The following SLC8A1 variants were observed in gnomAD, a reference collection of about 807,000 sequenced individuals.
SLC8A1 encodes the protein sodium/calcium exchanger 1.
SLC8A1 carries 18 observed loss-of-function variants against 68.3 expected under a neutral mutation model. That is an observed-to-expected ratio of 0.26 (90% CI 0.18 to 0.39). The LOEUF (loss-of-function observed/expected upper bound fraction) is 0.39. SLC8A1 is among the 10% of genes least tolerant of loss of function. The probability of loss-of-function intolerance (pLI) is 1.00; values close to 1 mark genes in which losing one functional copy is unlikely to be tolerated. For missense variants in SLC8A1, 985 were observed against 1,156.7 expected (o/e 0.85, Z 2.15); for synonymous variants, 475 against 415.5 (o/e 1.14, Z -1.74).
chr2:40,202,457 T>C (rs1201795632), intron 2 of SLC8A1, among the ~76,000 whole-genome samples: 1 of 152,016 alleles, frequency 6.6e-6, no homozygotes, highest in East Asian at 1.9e-4. Flanking sequence ...TGATTGTTAA[T>C]AGTGAACTAT....
intron 2 of SLC8A1, among the ~76,000 whole-genome samples, chr2:40,284,137 T>A (rs938364842): frequency 2.0e-5 from 3 of 151,946 alleles, no homozygotes; most frequent in Non-Finnish European, 4.4e-5. Context: ...TTCCATTTTC[T>A]CCAAAAGTGT....
chr2:40,264,820 G>T (rs1031927466), intron 2 of SLC8A1, among the ~76,000 whole-genome samples: 1 of 140,790 alleles, frequency 7.1e-6, no homozygotes, highest in Non-Finnish European at 1.5e-5. Context: ...TGCACGTTGT[G>T]CACATGTACC....
At chr2:40,179,996 A>G (rs1050597965) in intron 2 of SLC8A1, among the ~76,000 whole-genome samples, 1 of 152,146 alleles carries the variant, frequency 6.6e-6, no homozygotes, top group African/African-American at 2.4e-5. Context: ...CTCACATTCC[A>G]ATTTCTCACT....
At chr2:40,151,931 A>C (rs1285239097) in intron 6 of SLC8A1, among the ~76,000 whole-genome samples, 1 of 152,236 alleles carries the variant, frequency 6.6e-6, no homozygotes, top group Non-Finnish European at 1.5e-5. Flanking sequence ...GCAGTTTTAA[A>C]AGAGGCTCTG....
At chr2:40,487,830 G>C (rs35520511) in intron 1 of SLC8A1, among the ~76,000 whole-genome samples, 5,408 of 152,216 alleles carry the variant, frequency 0.036, 246 homozygotes, top group East Asian at 0.24. Context: ...GAACTTAATG[G>C]TCAGTCATGG....
rs139001985 is a variant in SLC8A1 at position 40,432,198 on chromosome 2, T to C, written c.-24-1894A>G. Reference sequence around the variant, plus strand: ...CCATTTCATCCACAATATTTATGCATGCTTAATATGTATTTTAGAAAGACT... The same window carrying C: ...CCATTTCATCCACAATATTTATGCACGCTTAATATGTATTTTAGAAAGACT... On this transcript the variant is annotated intron_variant, in intron 1 of 7. Transcript: ENST00000406785. Among the ~76,000 whole-genome samples the C allele has an allele frequency of 6.8e-3, 1,036 of 152,050 alleles. 10 individuals are homozygous for C. The highest frequency in any genetic ancestry group is 0.024 in the African/African-American group (985 of 41,456).
intron 2 of SLC8A1, among the ~76,000 whole-genome samples, chr2:40,197,287 C>T (rs2053231916): frequency 1.3e-5 from 2 of 151,986 alleles, no homozygotes; most frequent in East Asian, 1.9e-4. Flanking sequence ...CTGCTATTTT[C>T]CCTGAGCTCA....
intron 2 of SLC8A1, among the ~76,000 whole-genome samples, chr2:40,216,806 G>GA (rs1436921629): frequency 3.5e-4 from 53 of 152,060 alleles, no homozygotes; most frequent in African/African-American, 1.3e-3. Context: ...GTCTTCTTTA[G>GA]GAAGTGTCTG....
exon 2 of SLC8A1, chr2:40,429,439 T>C (rs961569076): frequency 6.2e-6 from 10 of 1,613,852 alleles, no homozygotes; most frequent in Non-Finnish European, 7.6e-6. Flanking sequence ...AGATGGCCTG[T>C]CTCCTTCATG....
intron 7 of SLC8A1, chr2:40,118,623 T>G (rs1259168810): frequency 6.9e-6 from 1 of 145,470 alleles, no homozygotes; most frequent in Non-Finnish European, 1.5e-5. Context: ...TTTTTTTTTT[T>G]TTTTTTTTTT....
intron 2 of SLC8A1, among the ~76,000 whole-genome samples, chr2:40,420,268 G>A (rs1695117883): frequency 2.0e-5 from 3 of 151,848 alleles, no homozygotes; most frequent in South Asian, 2.1e-4. Context: ...CACAGAATAT[G>A]TTTTAACCTC....
intron 2 of SLC8A1, among the ~76,000 whole-genome samples, chr2:40,243,080 A>G (rs1259466379): frequency 1.3e-5 from 2 of 152,222 alleles, no homozygotes; most frequent in African/African-American, 4.8e-5. Context: ...GAATACAGAC[A>G]TTGAAGGCTC....
chr2:40,334,179 T>G (rs1277108663), intron 2 of SLC8A1, among the ~76,000 whole-genome samples: 1 of 152,202 alleles, frequency 6.6e-6, no homozygotes, highest in African/African-American at 2.4e-5. Context: ...ACTATCCACC[T>G]GCCTTGTTTC....
intron 2 of SLC8A1, among the ~76,000 whole-genome samples, chr2:40,260,309 A>G (rs868139111): frequency 6.6e-6 from 1 of 152,202 alleles, no homozygotes. Flanking sequence ...CTCACTGAAA[A>G]TCCAGATCAG....
exon 8 of SLC8A1, chr2:40,108,693 G>C (rs1174453211): frequency 6.6e-6 from 1 of 152,094 alleles, no homozygotes; most frequent in Non-Finnish European, 1.5e-5. Context: ...TAGGTTTAAT[G>C]TTTGTACAAT....
chr2:40,218,714 C>T (rs2148824113), intron 2 of SLC8A1, among the ~76,000 whole-genome samples: 1 of 133,076 alleles, frequency 7.5e-6, no homozygotes, highest in Non-Finnish European at 1.7e-5. Context: ...AAGATGAAAA[C>T]ATTCTTCTGG....
intron 1 of SLC8A1, among the ~76,000 whole-genome samples, chr2:40,492,065 C>G (rs1389745516): frequency 9.8e-4 from 148 of 151,746 alleles, no homozygotes; most frequent in Non-Finnish European, 1.7e-3. Flanking sequence ...AACAAAGCTG[C>G]AGGCATCACA....
intron 2 of SLC8A1, among the ~76,000 whole-genome samples, chr2:40,264,864 C>A (rs1289959791): frequency 1.3e-5 from 2 of 151,884 alleles, no homozygotes; most frequent in African/African-American, 4.8e-5. Context: ...AAATAGAGCA[C>A]ACATGTCATT....
chr2:40,115,283 C>T, exon 8 of SLC8A1: 1 of 1,612,992 alleles, frequency 6.2e-7, no homozygotes. Flanking sequence ...AGTAGGCCTC[C>T]AGGGAGGAGA....
Sources: allele counts gnomAD v4.1 joint callset (sites outside exome capture counted in the v4.1 genomes callset), GRCh38; gene constraint gnomAD v4.1.1; transcripts MANE v1.5; gene names NCBI Gene and HGNC (gene_info 2026-07-23, HGNC 2026-07-21).